Variants in CSMD1 observed in about 807,000 individuals in gnomAD.
CSMD1 encodes CUB and sushi domain-containing protein 1.
CSMD1 carries 213 observed loss-of-function variants against 417.5 expected under a neutral mutation model. The ratio of observed to expected loss-of-function variants is 0.51; its 90% CI spans 0.46 to 0.57. The LOEUF is 0.57. Ranked by LOEUF, CSMD1 falls within the 20% of genes least tolerant of loss-of-function variation. The pLI is 0.00. For missense variants in CSMD1, 6,923 were observed against 4,529.7 expected, an observed-to-expected ratio of 1.53 and a Z score of -15.17; for synonymous variants, 2,862 against 1,736.8, an observed-to-expected ratio of 1.65 and a Z score of -16.11.
At chr8:3,921,226 G>C (rs1343441292) in intron 5 of CSMD1, among the ~76,000 whole-genome samples, 4 of 151,988 alleles carry the variant, frequency 2.6e-5, no homozygotes, top group Non-Finnish European at 4.4e-5. Context: ...AATTTTTACA[G>C]TATTGTATTT....
chr8:3,957,943 G>T (rs886249004), intron 5 of CSMD1, among the ~76,000 whole-genome samples: 3 of 152,078 alleles, frequency 2.0e-5, no homozygotes, highest in Non-Finnish European at 4.4e-5. Context: ...AGCAAATCCT[G>T]CAGGGTATAA....
intron 25 of CSMD1, among the ~76,000 whole-genome samples, chr8:3,295,662 G>A (rs190830924): frequency 7.5e-4 from 114 of 152,246 alleles, no homozygotes; most frequent in South Asian, 1.7e-3. Context: ...TCTCCCTTGG[G>A]ATTCTAACTG....
chr8:3,550,824 G>C (rs572600835), intron 10 of CSMD1, among the ~76,000 whole-genome samples: 7 of 152,180 alleles, frequency 4.6e-5, no homozygotes, highest in Admixed American at 2.6e-4. Context: ...TTGTTGGATG[G>C]AAGAGTAAAT....
intron 5 of CSMD1, among the ~76,000 whole-genome samples, chr8:3,770,167 ACT>A (rs1249622377): frequency 6.6e-6 from 1 of 152,174 alleles, no homozygotes; most frequent in Admixed American, 6.5e-5. Context: ...CCTATGCCAC[ACT>A]CATACAGGTC....
intron 7 of CSMD1, among the ~76,000 whole-genome samples, chr8:3,705,894 G>A (rs1371772613): frequency 6.6e-6 from 1 of 152,198 alleles, no homozygotes; most frequent in East Asian, 1.9e-4. Context: ...TTCACTCCCT[G>A]CAGACAGAAG....
chr8:3,708,485 T>G lies in CSMD1; in HGVS notation c.938A>C (p.Lys313Thr). ...TCCTCTTGACTTCAACTCAATCGCC[T>G]TTTTCACTGGAAGAAACAAAACCAA... ...KGFNAQFQVKKAIELKSRGVK... is the reference protein window; with the variant it reads ...KGFNAQFQVKTAIELKSRGVK... Residue 313 changes from lysine to threonine, a missense_variant, in exon 7 of 70, where the codon AAG (lysine) becomes ACG (threonine). Coordinates refer to ENST00000635120, the MANE Select transcript of CSMD1 (RefSeq NM_033225.6). The G allele has an allele frequency of 1.2e-6, 2 of 1,612,868 alleles. No individual in the cohort carries two copies. Among genetic ancestry groups the G allele is most frequent in the Non-Finnish European group, 1.7e-6 (2 of 1,178,972 alleles).
chr8:4,054,640 G>C (rs1330861646), intron 3 of CSMD1, among the ~76,000 whole-genome samples: 1 of 152,084 alleles, frequency 6.6e-6, no homozygotes, highest in Admixed American at 6.5e-5. Flanking sequence ...AAACACATAG[G>C]TAATGAACAG....
intron 1 of CSMD1, among the ~76,000 whole-genome samples, chr8:4,662,715 C>T (rs1393871109): frequency 1.3e-5 from 2 of 152,214 alleles, no homozygotes; most frequent in Admixed American, 6.5e-5. Flanking sequence ...TCAGATGTTA[C>T]GCAATTATTC....
At chr8:4,735,023 A>G (rs1255394361) in intron 1 of CSMD1, among the ~76,000 whole-genome samples, 2 of 152,230 alleles carry the variant, frequency 1.3e-5, no homozygotes, top group East Asian at 3.8e-4. Context: ...GTTTGAAATC[A>G]CATCAAAATT....
chr8:4,062,509 G>T (rs1325525049), intron 3 of CSMD1, among the ~76,000 whole-genome samples: 1 of 152,060 alleles, frequency 6.6e-6, no homozygotes, highest in Non-Finnish European at 1.5e-5. Flanking sequence ...ATTCTAAGTG[G>T]GGAAATGTAT....
At chr8:3,282,396 C>A (rs992576344) in intron 26 of CSMD1, among the ~76,000 whole-genome samples, 1 of 152,050 alleles carries the variant, frequency 6.6e-6, no homozygotes, top group African/African-American at 2.4e-5. Context: ...GAAAAAAATG[C>A]CTGGAGAATA....
At chr8:3,155,359 A>ATTTGTTTTTTTTTTTTTTTTTTTTTTT (rs1819453722) in intron 39 of CSMD1, among the ~76,000 whole-genome samples, 2 of 43,316 alleles carry the variant, frequency 4.6e-5, no homozygotes, top group Non-Finnish European at 9.4e-5. Flanking sequence ...CAAGGCTGGG[A>ATTTGTTTTTTTTTTTTTTTTTTTTTTT]TTTTTTTTTT....
chr8:3,313,473 A>G (rs368629405), intron 23 of CSMD1, among the ~76,000 whole-genome samples: 1 of 152,372 alleles, frequency 6.6e-6, no homozygotes, highest in Non-Finnish European at 1.5e-5. Context: ...ACACCTCTCA[A>G]AAGATGACAT....
At chr8:4,818,407 C>T (rs571488040) in intron 1 of CSMD1, among the ~76,000 whole-genome samples, 8 of 152,104 alleles carry the variant, frequency 5.3e-5, no homozygotes, top group Admixed American at 2.0e-4. Flanking sequence ...AATATAACAT[C>T]GTTTTCTTTT....
chr8:4,159,069 C>T (rs1156774770), intron 3 of CSMD1, among the ~76,000 whole-genome samples: 2 of 152,206 alleles, frequency 1.3e-5, no homozygotes, highest in African/African-American at 4.8e-5. Context: ...GCTTGCACCA[C>T]CAGGCCCAGC....
intron 1 of CSMD1, chr8:4,787,696 T>C: frequency 6.3e-7 from 1 of 1,592,364 alleles, no homozygotes; most frequent in Non-Finnish European, 8.6e-7. Context: ...AGTGGAGTTG[T>C]TTTTCAAGGA....
chr8:3,224,937 G>C (rs1394712947), intron 27 of CSMD1, among the ~76,000 whole-genome samples: 1 of 152,136 alleles, frequency 6.6e-6, no homozygotes, highest in Non-Finnish European at 1.5e-5. Flanking sequence ...CAAATACTGT[G>C]GTTTGTCACC....
intron 5 of CSMD1, among the ~76,000 whole-genome samples, chr8:3,987,887 C>A (rs1814456984): frequency 6.6e-6 from 1 of 152,186 alleles, no homozygotes; most frequent in African/African-American, 2.4e-5. Context: ...TGGCACATTG[C>A]AACATCTTCT....
At chr8:4,350,755 C>T (rs1801044148) in intron 3 of CSMD1, among the ~76,000 whole-genome samples, 1 of 152,168 alleles carries the variant, frequency 6.6e-6, no homozygotes, top group Non-Finnish European at 1.5e-5. Flanking sequence ...AATCCAGTGG[C>T]AGCTGATTGA....
Sources: gnomAD v4.1 joint callset for allele counts (sites outside exome capture counted in the v4.1 genomes callset) on GRCh38, gnomAD v4.1.1 for gene constraint, MANE v1.5 for transcripts, NCBI Gene and HGNC (gene_info 2026-07-23, HGNC 2026-07-21) for gene names.